Variants in ZNF264 observed in about 807,000 individuals in gnomAD.
ZNF264 encodes zinc finger protein 264.
Under a neutral mutation model 11.2 loss-of-function variants are expected in ZNF264, and 11 were observed. That is an observed-to-expected ratio of 0.98 (90% CI 0.62 to 1.63). The LOEUF (loss-of-function observed/expected upper bound fraction) is 1.63, where lower values mean the gene tolerates loss of function less well. Among genes scored for constraint, ZNF264 ranks in the 40% most tolerant of loss-of-function variants. The pLI is 0.00. For missense variants in ZNF264, 752 were observed against 768.1 expected (o/e 0.98, Z 0.25); for synonymous variants, 309 against 279.8 (o/e 1.10, Z -1.04).
intron 3 of ZNF264, among the ~76,000 whole-genome samples, chr19:57,206,987 C>A (rs1365415269): frequency 1.4e-5 from 2 of 143,230 alleles, no homozygotes; most frequent in African/African-American, 5.3e-5. Context: ...AGCTGCTCAT[C>A]CAACCCTGAG....
chr19:57,207,202 G>A (rs1376815272), intron 3 of ZNF264, among the ~76,000 whole-genome samples: 1 of 151,952 alleles, frequency 6.6e-6, no homozygotes, highest in Non-Finnish European at 1.5e-5. Flanking sequence ...CCCAACCTCA[G>A]ACAAGTCAAC....
At chr19:57,199,543 G>C (rs939712227) in intron 2 of ZNF264, among the ~76,000 whole-genome samples, 5 of 151,730 alleles carry the variant, frequency 3.3e-5, no homozygotes, top group African/African-American at 1.2e-4. Context: ...AACTCCTCAG[G>C]CTGCAACATT....
chr19:57,200,452 G>GA (rs573593161), intron 2 of ZNF264, among the ~76,000 whole-genome samples: 12,238 of 127,702 alleles, frequency 0.096, 1,939 homozygotes, highest in African/African-American at 0.32. Flanking sequence ...AAAATAAATT[G>GA]AAAAAAAAAA....
Position 57,217,830 on chromosome 19 carries a change from C to CA in ZNF264, c.*4850dup, listed in dbSNP as rs1568479340. 7.1e-6 allele frequency: 1 copy of CA among 140,858 alleles called. No individual in the cohort carries two copies. The highest frequency in any genetic ancestry group is 2.7e-5 in the African/African-American group (1 of 37,644). 8.7% of individuals were successfully genotyped at this position (140,858 alleles called of 1,614,324 possible). On this transcript the variant is annotated 3_prime_UTR_variant, in exon 4 of 4. Transcript: ENST00000263095. ...TTAAAGAGACAGAGTCTCACTCTGT[C>CA]ACCCAGGCTGGAGTGCAGTGGCACG...
rs112646257 is a variant in ZNF264 at position 57,213,273 on chromosome 19, A to G, written c.*292A>G. 5.2e-5 allele frequency: 14 copies of G among 267,804 alleles called. No individual in the cohort carries two copies. The highest frequency in any genetic ancestry group is 2.8e-4 in the African/African-American group (13 of 45,984). 16.6% of individuals were successfully genotyped at this position (267,804 alleles called of 1,614,324 possible). On this transcript the variant is annotated 3_prime_UTR_variant, in exon 4 of 4. Coordinates refer to ENST00000263095, the MANE Select transcript of ZNF264 (RefSeq NM_003417.5). ...CGCTTTGTCATGGATTTCTTAGTGTATTTGGGGGAAGGGAAATGTTTCAAG... is the reference window on the plus strand; with the variant it reads ...CGCTTTGTCATGGATTTCTTAGTGTGTTTGGGGGAAGGGAAATGTTTCAAG...
chr19:57,208,761 C>T (rs764743097), intron 3 of ZNF264, among the ~76,000 whole-genome samples: 1 of 152,046 alleles, frequency 6.6e-6, no homozygotes. Context: ...AAGATCATTC[C>T]CTTTGTTTTC....
chr19:57,210,919 C>G (rs2087329562), intron 3 of ZNF264, among the ~76,000 whole-genome samples: 1 of 152,198 alleles, frequency 6.6e-6, no homozygotes, highest in South Asian at 2.1e-4. Flanking sequence ...CATGACTTCA[C>G]AGGAAAAGCG....
Position 57,211,775 on chromosome 19 carries a change from T to C in ZNF264, c.678T>C (p.Ser226=). ...HLLAGHEKIH[S]GVKPYECTEC... is the part of the protein sequence containing the mutation. ...TTGCTGGACATGAGAAAATTCACTC[T>C]GGAGTTAAGCCCTATGAATGCACAG... The change falls in exon 4 of 4, where the codon TCT becomes TCC. Residue 226 remains serine, a synonymous_variant. Transcript: ENST00000263095. 1 of 1,614,238 alleles carries C rather than the reference T, an allele frequency of 6.2e-7. No individual in the cohort carries two copies. Among genetic ancestry groups the C allele is most frequent in the East Asian group, 2.2e-5 (1 of 44,888 alleles).
chr19:57,211,476 G>A lies in ZNF264; in HGVS notation c.379G>A (p.Glu127Lys), dbSNP rs759760990. The stretch of plus-strand genomic sequence containing the variant: ...AGTGGACTCACAGTTGGGGCAAGCC[G>A]AGGATCAGGATGGGCTATCAGAAAT... The part of the protein sequence containing the change: ...NSVDSQLGQA[E>K]DQDGLSEMQE... Residue 127 changes from glutamate to lysine, a missense_variant, in exon 4 of 4, where the codon GAG (glutamate) becomes AAG (lysine). By Grantham distance (56) the Glu-to-Lys change is moderately conservative. Coordinates refer to ENST00000263095, the MANE Select transcript of ZNF264 (RefSeq NM_003417.5). 39 of 1,613,994 alleles carry A rather than the reference G, an allele frequency of 2.4e-5. No individual in the cohort carries two copies. Among genetic ancestry groups the A allele is most frequent in the Admixed American group, 3.3e-5 (2 of 59,990 alleles).
Position 57,213,234 on chromosome 19 carries a change from TG to T in ZNF264, c.*254del. ...AAGCACACATCTTTTCAGGCTTCTC[TG>T]CCAAGCCTATGGCGCTTTGTCATGG... On this transcript the variant is annotated 3_prime_UTR_variant, in exon 4 of 4. Coordinates refer to ENST00000263095, the MANE Select transcript of ZNF264 (RefSeq NM_003417.5). 5.5e-6 allele frequency: 2 copies of T among 361,492 alleles called. No individual in the cohort carries two copies. The allele number at this position is 361,492 out of a possible 1,614,324, so 22.4% of individuals were successfully genotyped here.
rs191365998 is a variant in ZNF264 at position 57,217,136 on chromosome 19, T to C, written c.*4155T>C. On this transcript the variant is annotated 3_prime_UTR_variant, in exon 4 of 4. Transcript: ENST00000263095. ...TACTGCAAAGAATTTTAAATAAAAA[T>C]TCAAGTGTGGTTTCTACTGAATGCA... is the stretch of plus-strand genomic sequence containing the variant. 7 of 152,306 alleles carry C rather than the reference T, an allele frequency of 4.6e-5. No homozygotes were observed. The highest frequency in any genetic ancestry group is 1.7e-4 in the African/African-American group (7 of 41,580). 9.4% of individuals were successfully genotyped at this position (152,306 alleles called of 1,614,324 possible).
chr19:57,202,131 G>T (rs2087257625), intron 2 of ZNF264, among the ~76,000 whole-genome samples: 1 of 151,812 alleles, frequency 6.6e-6, no homozygotes. Context: ...GATTGCCTGA[G>T]CCTGGGAGGT....
Position 57,211,706 on chromosome 19 carries a change from T to C in ZNF264, c.609T>C (p.Phe203=), listed in dbSNP as rs970112840. The change falls in exon 4 of 4, where the codon TTT becomes TTC. Residue 203 remains phenylalanine (F), a synonymous_variant. Transcript: ENST00000263095. Reference sequence around the variant, plus strand: ...TGATTCAGGAAGAGGAAAATAACTTTAAATGCAGTGAATGTGGAAAAGTAT... The same window carrying C: ...TGATTCAGGAAGAGGAAAATAACTTCAAATGCAGTGAATGTGGAAAAGTAT... ...DPMIQEEENN[F]KCSECGKVFN... is the part of the protein sequence containing the mutation. The C allele has an allele frequency of 1.2e-6, 2 of 1,614,040 alleles. No homozygotes were observed. The highest frequency in any genetic ancestry group is 2.7e-5 in the African/African-American group (2 of 74,928).
intron 2 of ZNF264, among the ~76,000 whole-genome samples, chr19:57,197,817 C>A (rs2087223204): frequency 6.6e-6 from 1 of 151,932 alleles, no homozygotes; most frequent in African/African-American, 2.4e-5. Flanking sequence ...ACCACTGGAC[C>A]CCTAGAAATT....
chr19:57,207,863 A>G (rs1009332187), intron 3 of ZNF264, among the ~76,000 whole-genome samples: 76 of 151,940 alleles, frequency 5.0e-4, no homozygotes, highest in Admixed American at 2.0e-4. Context: ...AATAGCTGGG[A>G]TTATAGGTGC....
intron 3 of ZNF264, 44 bp downstream of exon 3, chr19:57,205,536 A>G: frequency 6.5e-7 from 1 of 1,545,764 alleles, no homozygotes; most frequent in Non-Finnish European, 8.8e-7. Flanking sequence ...TTCTGGCTTA[A>G]GACTGGATGG....
chr19:57,203,883 T>A (rs558588181), intron 2 of ZNF264, among the ~76,000 whole-genome samples: 75 of 152,100 alleles, frequency 4.9e-4, no homozygotes, highest in Non-Finnish European at 9.7e-4. Context: ...CCAGCTCTGC[T>A]CTTTAAAAAC....
chr19:57,208,050 C>T (rs1448061092), intron 3 of ZNF264, among the ~76,000 whole-genome samples: 1 of 151,426 alleles, frequency 6.6e-6, no homozygotes, highest in Non-Finnish European at 1.5e-5. Context: ...GACAGGGTTT[C>T]ACTGTTGTTG....
chr19:57,210,240 A>C (rs2087324666), intron 3 of ZNF264, among the ~76,000 whole-genome samples: 1 of 152,048 alleles, frequency 6.6e-6, no homozygotes, highest in Non-Finnish European at 1.5e-5. Flanking sequence ...TTCATTGAGC[A>C]CCTCTTACTG....
Sources: allele counts gnomAD v4.1 joint callset (sites outside exome capture counted in the v4.1 genomes callset), GRCh38; gene constraint gnomAD v4.1.1; transcripts MANE v1.5; gene names NCBI Gene and HGNC (gene_info 2026-07-23, HGNC 2026-07-21).